Variants in ELP3 observed in about 807,000 individuals in gnomAD.
ELP3 encodes the protein elongator complex protein 3.
A neutral mutation model predicts 74.9 loss-of-function variants in ELP3; 56 were observed. The observed-to-expected ratio is 0.75, with a 90% CI of 0.60 to 0.93. The LOEUF (loss-of-function observed/expected upper bound fraction) is 0.93, where lower values mean the gene tolerates loss of function less well. Ranked by LOEUF, ELP3 falls within the 40% of genes least tolerant of loss-of-function variation. ELP3 has a pLI of 0.00. For synonymous variants in ELP3, 222 were observed against 239.8 expected (o/e 0.93, Z 0.68); for missense variants, 573 against 686.5 (o/e 0.83, Z 1.85).
chr8:28,098,775 T>C (rs1254713866), intron 2 of ELP3, among the ~76,000 whole-genome samples: 4 of 152,230 alleles, frequency 2.6e-5, no homozygotes. Context: ...ATTCCTGTTT[T>C]TGCATCTGCA....
chr8:28,169,298 A>G (rs1460644937), intron 14 of ELP3, among the ~76,000 whole-genome samples: 1 of 152,220 alleles, frequency 6.6e-6, no homozygotes, highest in East Asian at 1.9e-4. Flanking sequence ...ATACCACCCC[A>G]AAGTTTAGTG....
chr8:28,151,070 C>T (rs1002639750), intron 10 of ELP3, among the ~76,000 whole-genome samples: 17 of 152,146 alleles, frequency 1.1e-4, no homozygotes, highest in South Asian at 2.1e-4. Flanking sequence ...CCACCGTACT[C>T]GGCCTGTGTG....
intron 14 of ELP3, among the ~76,000 whole-genome samples, chr8:28,168,534 G>T (rs1253411815): frequency 6.6e-6 from 1 of 152,160 alleles, no homozygotes; most frequent in Non-Finnish European, 1.5e-5. Context: ...GAGGAATAGG[G>T]TTATATCATG....
intron 10 of ELP3, among the ~76,000 whole-genome samples, chr8:28,139,543 T>G (rs578165415): frequency 6.6e-6 from 1 of 152,280 alleles, no homozygotes; most frequent in South Asian, 2.1e-4. Flanking sequence ...CAGTGGGTGG[T>G]TATTGCATCT....
At chr8:28,092,285 C>G (rs144979615), upstream of ELP3, among the ~76,000 whole-genome samples, 62 of 152,266 alleles carry the variant, frequency 4.1e-4, no homozygotes, top group African/African-American at 1.5e-3. Flanking sequence ...GGCTGGACAA[C>G]AGAGAATGAT....
At chr8:28,138,361 A>G (rs1399897443) in intron 10 of ELP3, among the ~76,000 whole-genome samples, 1 of 152,240 alleles carries the variant, frequency 6.6e-6, no homozygotes, top group Non-Finnish European at 1.5e-5. Context: ...GAAGAAAACA[A>G]AATAATCTGA....
At chr8:28,125,390 T>A (rs1209110516) in intron 7 of ELP3, among the ~76,000 whole-genome samples, 1 of 152,228 alleles carries the variant, frequency 6.6e-6, no homozygotes. Flanking sequence ...CCTTGAGTTC[T>A]TGTGAGAGTT....
chr8:28,183,645 G>C (rs111540692), intron 14 of ELP3, among the ~76,000 whole-genome samples: 1 of 151,992 alleles, frequency 6.6e-6, no homozygotes, highest in Non-Finnish European at 1.5e-5. Context: ...GGCTGGTCTC[G>C]AACTCCTGAG....
intron 10 of ELP3, among the ~76,000 whole-genome samples, chr8:28,138,695 A>G (rs897541390): frequency 1.3e-5 from 2 of 152,204 alleles, no homozygotes; most frequent in Non-Finnish European, 2.9e-5. Flanking sequence ...ATGTAAAGCA[A>G]TGAACACTGA....
At chr8:28,155,785 T>C (rs1439526213) in intron 10 of ELP3, among the ~76,000 whole-genome samples, 157 bp from the exon 11 acceptor site, 1 of 152,232 alleles carries the variant, frequency 6.6e-6, no homozygotes, top group African/African-American at 2.4e-5. Flanking sequence ...ATAGAGAAGC[T>C]CCTTGTTAGG....
Position 28,158,651 on chromosome 8 carries a change from A to T in ELP3, c.1257+18A>T. 4 of 1,604,224 alleles carry T rather than the reference A, an allele frequency of 2.5e-6. No homozygotes were observed. Among genetic ancestry groups the T allele is most frequent in the Non-Finnish European group, 3.4e-6 (4 of 1,171,336 alleles). Reference sequence around the variant, plus strand: ...CATACCAGGTTAGTCTCTTCATGTCATAGAGGGCCTAGGTACTGTCCTTAG... The same window carrying T: ...CATACCAGGTTAGTCTCTTCATGTCTTAGAGGGCCTAGGTACTGTCCTTAG... On this transcript the variant is annotated intron_variant, in intron 12 of 14. Transcript: ENST00000256398.
In ELP3 at chr8:28,188,706, T is replaced by C. The variant is rs951642088; in HGVS notation, c.1568-943T>C. ...TCACCTGGCTGTTCACTTGTATCTTTTATCATATCCTGTAATAAACTGGTA... is the reference window on the plus strand; with the variant it reads ...TCACCTGGCTGTTCACTTGTATCTTCTATCATATCCTGTAATAAACTGGTA... On this transcript the variant is annotated intron_variant, in intron 14 of 14. Transcript: ENST00000256398. Among the ~76,000 whole-genome samples, 6 of 152,320 alleles carry C rather than the reference T, an allele frequency of 3.9e-5. No homozygotes were observed. The East Asian group carries it at 7.7e-4, about 20-fold the overall frequency.
chr8:28,136,257 T>C (rs1289182608), intron 9 of ELP3, among the ~76,000 whole-genome samples: 2 of 152,212 alleles, frequency 1.3e-5, no homozygotes, highest in African/African-American at 2.4e-5. Flanking sequence ...CCACTGCGCC[T>C]GGCCCCTGTT....
At chr8:28,132,444 G>T in intron 9 of ELP3, 40 bp downstream of exon 9, 1 of 1,612,788 alleles carries the variant, frequency 6.2e-7, no homozygotes, top group South Asian at 1.1e-5. Context: ...GAATGGCTCT[G>T]CATGTTTCTT....
At chr8:28,132,680 A>T (rs576571383) in intron 9 of ELP3, among the ~76,000 whole-genome samples, 2 of 152,314 alleles carry the variant, frequency 1.3e-5, no homozygotes, top group East Asian at 1.9e-4. Flanking sequence ...ATACAAATAT[A>T]TATGACATAG....
chr8:28,183,839 G>C lies in ELP3; in HGVS notation c.1568-5810G>C, dbSNP rs543032614. On this transcript the variant is annotated intron_variant, in intron 14 of 14. Coordinates refer to ENST00000256398, the MANE Select transcript of ELP3 (RefSeq NM_018091.6). ...TTGGCAGAACCCCACGCAGGCCATC[G>C]GGTGGAGCACTTGGTTCCTTGTACA... 2.0e-5 allele frequency among the ~76,000 whole-genome samples: 3 copies of C among 152,326 alleles called. No homozygotes were observed. In the South Asian group the frequency reaches 6.2e-4, roughly 32 times the overall value.
chr8:28,144,342 G>A (rs1813352064), intron 10 of ELP3, among the ~76,000 whole-genome samples: 1 of 152,184 alleles, frequency 6.6e-6, no homozygotes, highest in African/African-American at 2.4e-5. Context: ...AGGCACAGTG[G>A]CTCTCGTGTG....
rs1812813172 is a variant in ELP3, at chr8:28,132,313, A to G, written c.815A>G (p.His272Arg). ...GTGAAGGCAGTGTGTGAGTCATTTCACCTGGCCAAAGATTCCGGTTTTAAA... is the reference window on the plus strand; with the variant it reads ...GTGAAGGCAGTGTGTGAGTCATTTCGCCTGGCCAAAGATTCCGGTTTTAAA... ...HTVKAVCESF[H>R]LAKDSGFKVV... is the part of the protein sequence containing the mutation. The change falls in exon 9 of 15, where the codon CAC becomes CGC. Residue 272 changes from histidine to arginine, a missense_variant. Coordinates refer to ENST00000256398, the MANE Select transcript of ELP3 (RefSeq NM_018091.6). The G allele has an allele frequency of 1.2e-6, 2 of 1,614,028 alleles. No individual in the cohort carries two copies. Among genetic ancestry groups the G allele is most frequent in the South Asian group, 1.1e-5 (1 of 91,084 alleles).
intron 3 of ELP3, among the ~76,000 whole-genome samples, chr8:28,106,217 A>C (rs764315190): frequency 4.6e-5 from 7 of 152,194 alleles, no homozygotes; most frequent in Non-Finnish European, 1.0e-4. Context: ...TTGAACAGAG[A>C]TCACTCTTGT....
Sources: gnomAD v4.1 joint callset for allele counts (sites outside exome capture counted in the v4.1 genomes callset) on GRCh38, gnomAD v4.1.1 for gene constraint, MANE v1.5 for transcripts, NCBI Gene and HGNC (gene_info 2026-07-23, HGNC 2026-07-21) for gene names.